CUX2: variants seen among roughly 807,000 people sequenced by gnomAD.
The protein encoded by CUX2 is cut like homeobox 2.
Under a neutral mutation model 144.8 loss-of-function variants are expected in CUX2, and 40 were observed. That is an observed-to-expected ratio of 0.28 (90% confidence interval 0.21 to 0.36). The LOEUF is 0.36. CUX2 is among the 10% of genes least tolerant of loss of function. The pLI is 1.00. For synonymous variants in CUX2, 827 were observed against 875.6 expected (o/e 0.94, Z 0.98); for missense variants, 1,615 against 1,994.0 (o/e 0.81, Z 3.62).
Position 111,190,404 on chromosome 12 carries a change from C to T in CUX2, c.64-23796C>T, listed in dbSNP as rs902504431. 2.0e-5 allele frequency among the ~76,000 whole-genome samples: 3 copies of T among 152,172 alleles called. No individual in the cohort carries two copies. Among genetic ancestry groups the T allele is most frequent in the Non-Finnish European group, 2.9e-5 (2 of 68,030 alleles). ...GGATTATCTTTCAGCTAGTTATTCA[C>T]GCACACACCCCACACTCTTGTTCCT... On this transcript the variant is annotated intron_variant, in intron 1 of 21. Transcript: ENST00000261726. The surrounding 1 kb of genome is among the most constrained non-coding windows in gnomAD (Gnocchi z 4.0).
At chr12:111,135,341 T>A (rs537056767) in intron 1 of CUX2, among the ~76,000 whole-genome samples, 109 of 152,190 alleles carry the variant, frequency 7.2e-4, no homozygotes, top group African/African-American at 2.6e-3. Context: ...CATGAGGATA[T>A]CGGGGAAAGG....
chr12:111,301,464 T>C (rs1174916528), intron 9 of CUX2, among the ~76,000 whole-genome samples: 1 of 152,056 alleles, frequency 6.6e-6, no homozygotes. Flanking sequence ...ACGCTGGCTG[T>C]TAGCCTCTGG....
chr12:111,202,008 G>A (rs749569120), intron 1 of CUX2, among the ~76,000 whole-genome samples: 2 of 152,194 alleles, frequency 1.3e-5, no homozygotes, highest in Non-Finnish European at 2.9e-5. Flanking sequence ...GTGGGCCAAG[G>A]CGTTAAAAGT....
In CUX2 at chr12:111,349,209, T is replaced by C. The variant is rs572948808; in HGVS notation, c.*884T>C. 7.9e-5 allele frequency: 12 copies of C among 152,316 alleles called. No homozygotes were observed. Among genetic ancestry groups the C allele is most frequent in the African/African-American group, 2.9e-4 (12 of 41,550 alleles). The allele number at this position is 152,316 out of a possible 1,614,324, so 9.4% of individuals were successfully genotyped here. ...TAGGCAAGAAGTGTTTCCAGATCCT[T>C]TGGAAAGGTGGGCATGGGGCAGGTG... On this transcript the variant is annotated 3_prime_UTR_variant, in exon 22 of 22. Transcript: ENST00000261726.
chr12:111,301,570 T>G (rs1308620505), intron 9 of CUX2, among the ~76,000 whole-genome samples: 1 of 151,688 alleles, frequency 6.6e-6, no homozygotes, highest in Non-Finnish European at 1.5e-5. Flanking sequence ...CAGACTGGAG[T>G]GCTGTGGCAA....
At chr12:111,249,205 A>G (rs183984711) in intron 3 of CUX2, among the ~76,000 whole-genome samples, 13 of 152,282 alleles carry the variant, frequency 8.5e-5, no homozygotes, top group Non-Finnish European at 1.3e-4. Context: ...CGCAGAGAAC[A>G]GGCTCTGGAG....
intron 1 of CUX2, among the ~76,000 whole-genome samples, chr12:111,096,081 A>C (rs1245553813): frequency 6.6e-6 from 1 of 152,220 alleles, no homozygotes; most frequent in African/African-American, 2.4e-5. Context: ...CAGGGGCTCA[A>C]CAAGTGGCTC....
chr12:111,098,332 A>G (rs546931726), intron 1 of CUX2, among the ~76,000 whole-genome samples: 1 of 151,946 alleles, frequency 6.6e-6, no homozygotes, highest in East Asian at 1.9e-4. Context: ...CCTGGGAGGT[A>G]GAGGTTACAG....
intron 20 of CUX2, among the ~76,000 whole-genome samples, 200 bp from the exon 21 acceptor site, chr12:111,341,580 T>C (rs1888576165): frequency 6.6e-6 from 1 of 151,918 alleles, no homozygotes; most frequent in Non-Finnish European, 1.5e-5. Context: ...GGCTAGCATC[T>C]TGTGGCGGGG....
At chr12:111,076,242 C>T (rs983315181) in intron 1 of CUX2, among the ~76,000 whole-genome samples, 2 of 152,170 alleles carry the variant, frequency 1.3e-5, no homozygotes, top group African/African-American at 4.8e-5. Context: ...TAATCCACCA[C>T]CACTGACTTT....
rs547968648 is a variant in CUX2 at position 111,346,403 on chromosome 12, G to A, written c.3660-1121G>A. 1.1e-3 allele frequency among the ~76,000 whole-genome samples: 165 copies of A among 151,124 alleles called. No individual in the cohort carries two copies. In the Middle Eastern group the frequency reaches 0.017, roughly 16 times the overall value. On this transcript the variant is annotated intron_variant, in intron 21 of 21. Transcript: ENST00000261726. The stretch of plus-strand genomic sequence containing the variant: ...AGGCAGTAGAATAGGTTGAACCCGG[G>A]AGGCAGAGGTTGCAGTGAGCCGCGA...
At chr12:111,311,311 G>A (rs1344814395) in intron 15 of CUX2, among the ~76,000 whole-genome samples, 4 of 151,578 alleles carry the variant, frequency 2.6e-5, no homozygotes, top group Admixed American at 6.6e-5. Flanking sequence ...TTTTTGAGAT[G>A]GAATCTCACT....
chr12:111,104,923 A>G (rs552394288), intron 1 of CUX2, among the ~76,000 whole-genome samples: 2 of 152,168 alleles, frequency 1.3e-5, no homozygotes, highest in Admixed American at 6.5e-5. Flanking sequence ...GGACAGGGAT[A>G]GGGAGGGGAC....
chr12:111,173,654 G>C (rs1878677091), intron 1 of CUX2, among the ~76,000 whole-genome samples: 1 of 152,324 alleles, frequency 6.6e-6, no homozygotes, highest in East Asian at 1.9e-4. Flanking sequence ...TCATGTTGGG[G>C]TGTTGGTCTG....
intron 3 of CUX2, among the ~76,000 whole-genome samples, chr12:111,231,234 C>T (rs1380608208): frequency 6.6e-6 from 1 of 152,162 alleles, no homozygotes; most frequent in East Asian, 1.9e-4. Flanking sequence ...CTGGCACCCA[C>T]CATTCTACCT....
At chr12:111,116,962 G>A (rs1245584702) in intron 1 of CUX2, among the ~76,000 whole-genome samples, 1 of 152,180 alleles carries the variant, frequency 6.6e-6, no homozygotes, top group Non-Finnish European at 1.5e-5. Flanking sequence ...TGCAGAGCTG[G>A]CAAGTGGCAG....
In CUX2 at chr12:111,338,393, C is replaced by G. The variant is rs1236503967; in HGVS notation, c.3304C>G (p.Pro1102Ala). Residue 1102 changes from proline (P) to alanine (A), a missense_variant, in exon 20 of 22, where the codon CCT becomes GCT. This residue lies in a region of CUX2 where 131 missense variants were observed against 223.1 expected (regional missense o/e 0.59). Transcript: ENST00000261726. Reference sequence around the variant, plus strand: ...CAAGCTGAGCCTGAAGGGGCGGGAGCCTTTTGTCCGCATGCAGCTGTGGCT... The same window carrying G: ...CAAGCTGAGCCTGAAGGGGCGGGAGGCTTTTGTCCGCATGCAGCTGTGGCT... ...WHKLSLKGRE[P>A]FVRMQLWLND... The G allele has an allele frequency of 1.2e-6, 2 of 1,614,136 alleles. No homozygotes were observed. Among genetic ancestry groups the G allele is most frequent in the Non-Finnish European group, 1.7e-6 (2 of 1,180,020 alleles).
intron 1 of CUX2, among the ~76,000 whole-genome samples, chr12:111,089,348 T>G (rs1337572434): frequency 4.6e-5 from 7 of 151,804 alleles, no homozygotes; most frequent in African/African-American, 1.7e-4. Flanking sequence ...ATGGGGGGAG[T>G]AATGGGGATT....
At chr12:111,036,325 G>T (rs1296507985) in intron 1 of CUX2, among the ~76,000 whole-genome samples, 2 of 152,164 alleles carry the variant, frequency 1.3e-5, no homozygotes, top group African/African-American at 4.8e-5. Context: ...CCGGGGAGAG[G>T]CAGGGGCTGG....
Sources: allele counts gnomAD v4.1 joint callset (sites outside exome capture counted in the v4.1 genomes callset), GRCh38; gene constraint gnomAD v4.1.1; regional missense constraint gnomAD v4.1.1; non-coding constraint Gnocchi (gnomAD v3.1); transcripts MANE v1.5; gene names NCBI Gene and HGNC (gene_info 2026-07-23, HGNC 2026-07-21).